Variants in CHRDL1 observed in about 807,000 individuals in gnomAD.
CHRDL1 encodes chordin-like protein 1.
CHRDL1 carries 19 observed loss-of-function variants against 40.9 expected under a neutral mutation model. That is an observed-to-expected ratio of 0.46 (90% CI 0.32 to 0.68). The LOEUF (loss-of-function observed/expected upper bound fraction) is 0.68. Ranked by LOEUF, CHRDL1 falls within the 30% of genes least tolerant of loss-of-function variation. The pLI, the probability that CHRDL1 is intolerant of heterozygous loss-of-function variation, is 0.03. For missense variants in CHRDL1, 329 were observed against 352.1 expected (o/e 0.93, Z 0.53); for synonymous variants, 136 against 123.4 (o/e 1.10, Z -0.68).
At chrX:110,740,453 G>A (rs1293923349) in intron 4 of CHRDL1, among the ~76,000 whole-genome samples, 1 of 112,245 alleles carries the variant, frequency 8.9e-6, no homozygotes, top group Non-Finnish European at 1.9e-5. Context: ...CCATAGTGCT[G>A]GAACTAAATT....
chrX:110,698,648 G>C (rs2070451017), intron 7 of CHRDL1, among the ~76,000 whole-genome samples: 1 of 111,984 alleles, frequency 8.9e-6, no homozygotes, highest in Non-Finnish European at 1.9e-5. Flanking sequence ...GCTACAGGAA[G>C]TACTGGATTA....
At chrX:110,739,824 T>A (rs1363112935) in intron 4 of CHRDL1, among the ~76,000 whole-genome samples, 1 of 112,836 alleles carries the variant, frequency 8.9e-6, no homozygotes, top group Non-Finnish European at 1.9e-5. Flanking sequence ...TCTTGATAAC[T>A]GCTCTCCATA....
chrX:110,738,840 A>G (rs1373420272), intron 4 of CHRDL1, among the ~76,000 whole-genome samples: 2 of 111,735 alleles, frequency 1.8e-5, no homozygotes, highest in Non-Finnish European at 3.8e-5. Flanking sequence ...CAGGCCAAAA[A>G]TGGAACAAAG....
intron 9 of CHRDL1, among the ~76,000 whole-genome samples, chrX:110,687,667 C>T (rs2070052724): frequency 9.0e-6 from 1 of 111,178 alleles, no homozygotes; most frequent in Non-Finnish European, 1.9e-5. Flanking sequence ...GCTGTAAGGG[C>T]CCCCCAAAAA....
intron 4 of CHRDL1, 74 bp downstream of exon 4, chrX:110,759,587 T>C (rs1046491297): frequency 4.1e-6 from 3 of 728,957 alleles, no homozygotes; most frequent in South Asian, 2.1e-5. Context: ...TGGGGAATTA[T>C]GGAGATGAGT....
At chrX:110,713,988 T>C (rs778547171) in intron 6 of CHRDL1, among the ~76,000 whole-genome samples, 2 of 110,683 alleles carry the variant, frequency 1.8e-5, no homozygotes, top group Non-Finnish European at 3.8e-5. Flanking sequence ...GGGTGTGGGT[T>C]TGGGTTTGAA....
chrX:110,725,042 C>A (rs751096910), intron 4 of CHRDL1, among the ~76,000 whole-genome samples: 1 of 111,686 alleles, frequency 9.0e-6, no homozygotes, highest in African/African-American at 3.2e-5. Flanking sequence ...ATAGGAATGA[C>A]CAGGCTGCGT....
chrX:110,719,855 G>A lies in CHRDL1; in HGVS notation c.521C>T (p.Ser174Phe), dbSNP rs752572992. ...CCTACCTCTGCATACCCGGCAGCAGGAATCTGGAACAGAGACTGGGAAGGC... is the reference window on the plus strand; with the variant it reads ...CCTACCTCTGCATACCCGGCAGCAGAAATCTGGAACAGAGACTGGGAAGGC... ...TCAFPVSVPD[S>F]CCRVCRGDGE... The change falls in exon 6 of 12, where the codon TCC becomes TTC. Residue 174 changes from serine to phenylalanine, a missense_variant. Transcript: ENST00000372042. 1.7e-6 allele frequency: 2 copies of A among 1,202,460 alleles called. No homozygotes were observed. Among genetic ancestry groups the A allele is most frequent in the Non-Finnish European group, 2.2e-6 (2 of 889,277 alleles).
chrX:110,746,304 G>A (rs1050930617), intron 4 of CHRDL1, among the ~76,000 whole-genome samples: 4 of 110,947 alleles, frequency 3.6e-5, no homozygotes, highest in African/African-American at 6.6e-5. Flanking sequence ...CAGGAGTAAG[G>A]CAGCCTAATC....
At chrX:110,711,741 T>TA (rs1385738136) in intron 6 of CHRDL1, among the ~76,000 whole-genome samples, 2 of 112,159 alleles carry the variant, frequency 1.8e-5, no homozygotes, top group Non-Finnish European at 3.8e-5. Context: ...AGATCCCGGA[T>TA]TCTAGCTGAG....
chrX:110,679,306 C>T (rs1193479584), intron 11 of CHRDL1, 30 bp downstream of exon 11: 1 of 1,030,995 alleles, frequency 9.7e-7, no homozygotes, highest in Non-Finnish European at 1.4e-6. Flanking sequence ...ATGTGTTTTT[C>T]AGGGAGCAGT....
Position 110,721,546 on chromosome X carries a change from G to A in CHRDL1, c.302-16C>T, listed in dbSNP as rs1251324384. ...AAGGAGTCTTCTAGAACAGGGTGGA[G>A]AAAAACCACACTGAGTATTGGCATC... On this transcript the variant is annotated splice_polypyrimidine_tract_variant and intron_variant, in intron 4 of 11. Transcript: ENST00000372042. The A allele has an allele frequency of 7.6e-6, 9 of 1,187,355 alleles. No homozygotes were observed. The highest frequency in any genetic ancestry group is 2.3e-4 in the Middle Eastern group (1 of 4,314).
At chrX:110,716,837 A>G (rs995309387) in intron 6 of CHRDL1, among the ~76,000 whole-genome samples, 18 of 111,511 alleles carry the variant, frequency 1.6e-4, no homozygotes, top group Non-Finnish European at 1.7e-4. Context: ...CATTTTCTCC[A>G]TCCAACCTGT....
chrX:110,768,776 C>T (rs1157120262), intron 2 of CHRDL1, among the ~76,000 whole-genome samples: 1 of 111,035 alleles, frequency 9.0e-6, no homozygotes, highest in African/African-American at 3.3e-5. Context: ...GGTTTTGGGG[C>T]TCAGACTGAG....
At chrX:110,707,937 C>A (rs1333108161) in intron 6 of CHRDL1, among the ~76,000 whole-genome samples, 1 of 110,981 alleles carries the variant, frequency 9.0e-6, no homozygotes, top group Non-Finnish European at 1.9e-5. Context: ...AGAACTTAAA[C>A]AAATTTACAA....
intron 9 of CHRDL1, among the ~76,000 whole-genome samples, chrX:110,684,174 T>TA (rs1569459546): frequency 8.9e-6 from 1 of 112,210 alleles, no homozygotes; most frequent in Non-Finnish European, 1.9e-5. Flanking sequence ...GGTCAGCCTC[T>TA]ACCAGAGCAA....
chrX:110,721,552 C>T lies in CHRDL1; in HGVS notation c.302-22G>A. ...TCTTCTAGAACAGGGTGGAGAAAAA[C>T]CACACTGAGTATTGGCATCATTGAC... On this transcript the variant is annotated intron_variant, in intron 4 of 11. Coordinates refer to ENST00000372042, the MANE Select transcript of CHRDL1 (RefSeq NM_001143981.2). 5 of 1,178,489 alleles carry T rather than the reference C, an allele frequency of 4.2e-6. No homozygotes were observed. In the South Asian group the frequency reaches 8.9e-5, roughly 21 times the overall value.
At chrX:110,782,579 T>C (rs897770098) in intron 2 of CHRDL1, among the ~76,000 whole-genome samples, 1 of 112,416 alleles carries the variant, frequency 8.9e-6, no homozygotes, top group African/African-American at 3.2e-5. Flanking sequence ...ATCAATGTTG[T>C]TTGTAGTGAA....
intron 6 of CHRDL1, among the ~76,000 whole-genome samples, chrX:110,713,386 C>T (rs1478631353): frequency 1.8e-5 from 2 of 111,937 alleles, no homozygotes; most frequent in Non-Finnish European, 3.8e-5. Flanking sequence ...AGAAAGTAGA[C>T]ATTTACACTC....
Sources: allele counts gnomAD v4.1 joint callset (sites outside exome capture counted in the v4.1 genomes callset), GRCh38; gene constraint gnomAD v4.1.1; transcripts MANE v1.5; gene names NCBI Gene and HGNC (gene_info 2026-07-23, HGNC 2026-07-21).